Variants in GALNTL6 observed in about 807,000 individuals in gnomAD.
GALNTL6 encodes polypeptide N-acetylgalactosaminyltransferase-like 6.
In GALNTL6, 46 loss-of-function variants were observed where a neutral mutation model predicts 73.7. That is an observed-to-expected ratio of 0.62 (90% CI 0.49 to 0.80). The LOEUF (loss-of-function observed/expected upper bound fraction) is 0.80. Ranked by LOEUF, GALNTL6 falls within the 30% of genes least tolerant of loss-of-function variation. The probability of loss-of-function intolerance (pLI) is 0.00; values close to 1 mark genes in which losing one functional copy is unlikely to be tolerated. For synonymous variants in GALNTL6, 259 were observed against 263.7 expected (o/e 0.98, Z 0.17); for missense variants, 604 against 755.0 (o/e 0.80, Z 2.34).
At chr4:172,523,715 A>G (rs1414586496) in intron 5 of GALNTL6, among the ~76,000 whole-genome samples, 2 of 152,098 alleles carry the variant, frequency 1.3e-5, no homozygotes, top group Admixed American at 1.3e-4. Context: ...AAAACTCTGT[A>G]TAGGCTGGAT....
chr4:172,413,973 G>A (rs1490654509), intron 5 of GALNTL6, among the ~76,000 whole-genome samples: 1 of 152,078 alleles, frequency 6.6e-6, no homozygotes, highest in East Asian at 1.9e-4. Flanking sequence ...GGAACTTTAT[G>A]AGCCTGTTTG....
intron 10 of GALNTL6, among the ~76,000 whole-genome samples, chr4:173,007,212 C>T (rs908091133): frequency 1.3e-5 from 2 of 152,168 alleles, no homozygotes; most frequent in Non-Finnish European, 2.9e-5. Flanking sequence ...CCCACCCCAG[C>T]AGGAACAGGC....
chr4:172,903,949 A>C (rs1373697266), intron 8 of GALNTL6, among the ~76,000 whole-genome samples: 1 of 152,178 alleles, frequency 6.6e-6, no homozygotes, highest in Non-Finnish European at 1.5e-5. Flanking sequence ...GGTACTGAGC[A>C]TAGCACCCAA....
chr4:172,473,392 CAA>C (rs1292979895), intron 5 of GALNTL6, among the ~76,000 whole-genome samples: 3 of 152,138 alleles, frequency 2.0e-5, no homozygotes, highest in Non-Finnish European at 4.4e-5. Flanking sequence ...CAAAATGGTG[CAA>C]AAGAGTTATG....
chr4:172,016,256 T>G (rs2110790603), intron 2 of GALNTL6, among the ~76,000 whole-genome samples: 1 of 152,164 alleles, frequency 6.6e-6, no homozygotes, highest in South Asian at 2.1e-4. Flanking sequence ...TGTTGTTCAT[T>G]TTTTAAAATT....
chr4:172,782,398 A>G (rs1739416669), intron 5 of GALNTL6, among the ~76,000 whole-genome samples: 1 of 152,148 alleles, frequency 6.6e-6, no homozygotes, highest in African/African-American at 2.4e-5. Context: ...GTCTATTGCT[A>G]CCTTTCACCT....
intron 5 of GALNTL6, among the ~76,000 whole-genome samples, chr4:172,658,167 A>AAAAAAAAAAAC: frequency 8.4e-6 from 1 of 118,878 alleles, no homozygotes; most frequent in Non-Finnish European, 1.8e-5. Flanking sequence ...AAAAAAAAAA[A>AAAAAAAAAAAC]AAGAAATATC....
At chr4:172,414,295 C>T (rs890051113) in intron 5 of GALNTL6, among the ~76,000 whole-genome samples, 3 of 152,126 alleles carry the variant, frequency 2.0e-5, no homozygotes, top group Admixed American at 1.3e-4. Context: ...TGCTGCTTTT[C>T]GTACAGAATT....
chr4:172,452,160 C>T lies in GALNTL6; in HGVS notation c.553+103471C>T, dbSNP rs1167910519. Among the ~76,000 whole-genome samples, 4 of 152,026 alleles carry T rather than the reference C, an allele frequency of 2.6e-5. No homozygotes were observed. The East Asian group carries it at 7.7e-4, about 29-fold the overall frequency. ...CCTGATATAACTGTCCATGAGTCCA[C>T]AAACGTAATTGAAATTCAATGCTAT... On this transcript the variant is annotated intron_variant, in intron 5 of 12. Transcript: ENST00000506823.
chr4:172,391,139 A>G (rs1329005318), intron 5 of GALNTL6, among the ~76,000 whole-genome samples: 1 of 152,234 alleles, frequency 6.6e-6, no homozygotes, highest in Non-Finnish European at 1.5e-5. Flanking sequence ...TGCTGCTATA[A>G]CAAAATACCA....
chr4:172,474,444 T>C (rs895079360), intron 5 of GALNTL6, among the ~76,000 whole-genome samples: 3 of 152,328 alleles, frequency 2.0e-5, no homozygotes, highest in African/African-American at 2.4e-5. Flanking sequence ...AAGGGCAATG[T>C]TCCCAAACTG....
At chr4:172,915,903 A>G (rs1297126077) in intron 8 of GALNTL6, among the ~76,000 whole-genome samples, 2 of 152,252 alleles carry the variant, frequency 1.3e-5, no homozygotes, top group African/African-American at 4.8e-5. Context: ...TTATGAGGCC[A>G]GCATCATCCT....
intron 2 of GALNTL6, among the ~76,000 whole-genome samples, chr4:171,922,493 G>A (rs1737822390): frequency 6.6e-6 from 1 of 151,408 alleles, no homozygotes; most frequent in Non-Finnish European, 1.5e-5. Flanking sequence ...ACTGGATAAG[G>A]GATTCATGAA....
chr4:172,122,814 T>G (rs1733188271), intron 2 of GALNTL6, among the ~76,000 whole-genome samples: 1 of 152,188 alleles, frequency 6.6e-6, no homozygotes, highest in Non-Finnish European at 1.5e-5. Context: ...AAGATCTCTT[T>G]CCTGGGGGGA....
At chr4:172,347,743 C>CG (rs1307201598) in intron 4 of GALNTL6, among the ~76,000 whole-genome samples, 2 of 151,810 alleles carry the variant, frequency 1.3e-5, no homozygotes, top group African/African-American at 4.8e-5. Flanking sequence ...GATGGGTTTT[C>CG]AGACACTTTT....
chr4:172,459,073 A>G (rs1444795901), intron 5 of GALNTL6, among the ~76,000 whole-genome samples: 1 of 152,234 alleles, frequency 6.6e-6, no homozygotes, highest in Non-Finnish European at 1.5e-5. Flanking sequence ...GGAAATCAAT[A>G]AATGTAATCC....
Position 172,171,556 on chromosome 4 carries a change from C to T in GALNTL6, c.139-58100C>T, listed in dbSNP as rs532096872. Among the ~76,000 whole-genome samples the T allele has an allele frequency of 9.2e-5, 14 of 151,720 alleles. 1 individual carries two copies. The South Asian group carries it at 1.7e-3, about 18-fold the overall frequency. On this transcript the variant is annotated intron_variant, in intron 2 of 12. Coordinates refer to ENST00000506823, the MANE Select transcript of GALNTL6 (RefSeq NM_001034845.3). Reference sequence around the variant, plus strand: ...AAGATGTAGGGCAGGAGGCTAGGTGCGGTGGCTTATGCCTATAATCCCAGC... The same window carrying T: ...AAGATGTAGGGCAGGAGGCTAGGTGTGGTGGCTTATGCCTATAATCCCAGC...
In GALNTL6 at chr4:173,029,150, T is replaced by C. The variant is rs1753353770; in HGVS notation, c.1638+7525T>C. Reference sequence around the variant, plus strand: ...ATAAGGAAAGTGTATATAACAAGTTTAACTTAAAAGTCATGTAATTCAACT... The same window carrying C: ...ATAAGGAAAGTGTATATAACAAGTTCAACTTAAAAGTCATGTAATTCAACT... On this transcript the variant is annotated intron_variant, in intron 12 of 12. Transcript: ENST00000506823. Among the ~76,000 whole-genome samples the C allele has an allele frequency of 2.6e-5, 4 of 152,316 alleles. No homozygotes were observed. In the South Asian group the frequency reaches 8.3e-4, roughly 32 times the overall value.
intron 2 of GALNTL6, among the ~76,000 whole-genome samples, chr4:171,950,562 C>A (rs948691511): frequency 8.7e-5 from 13 of 150,182 alleles, no homozygotes; most frequent in Admixed American, 6.7e-4. Flanking sequence ...CTCACTGCAA[C>A]CTCTGCCCCC....
Sources: gnomAD v4.1 joint callset for allele counts (sites outside exome capture counted in the v4.1 genomes callset) on GRCh38, gnomAD v4.1.1 for gene constraint, MANE v1.5 for transcripts, NCBI Gene and HGNC (gene_info 2026-07-23, HGNC 2026-07-21) for gene names.